KATNBL1: variants seen among roughly 807,000 people sequenced by gnomAD.
The protein encoded by KATNBL1 is katanin regulatory subunit B1 like 1, also known as KATNB1-like protein 1.
KATNBL1 carries 28 observed loss-of-function variants against 44.7 expected under a neutral mutation model. The observed-to-expected ratio is 0.63, with a 90% confidence interval of 0.46 to 0.86. The LOEUF (loss-of-function observed/expected upper bound fraction) is 0.86, where lower values mean the gene tolerates loss of function less well. Among genes scored for constraint, KATNBL1 ranks in the 40% least tolerant of loss-of-function variants. The pLI is 0.00. For missense variants in KATNBL1, 272 were observed against 350.7 expected, an observed-to-expected ratio of 0.78 and a Z score of 1.79; for synonymous variants, 78 against 114.9, an observed-to-expected ratio of 0.68 and a Z score of 2.06.
chr15:34,181,854 TCC>T (rs1354293875), intron 1 of KATNBL1, among the ~76,000 whole-genome samples: 153 of 3,672 alleles, frequency 0.042, 23 homozygotes, highest in South Asian at 0.083. Flanking sequence ...ATATATATAG[TCC>T]ATATATATAT....
At chr15:34,163,170 A>G (rs1888860351) in intron 2 of KATNBL1, among the ~76,000 whole-genome samples, 1 of 151,822 alleles carries the variant, frequency 6.6e-6, no homozygotes, top group Non-Finnish European at 1.5e-5. Flanking sequence ...CAGCCTCCCA[A>G]GTGGCTGGGA....
chr15:34,178,076 G>A (rs897558998), intron 1 of KATNBL1: 8 of 152,110 alleles, frequency 5.3e-5, no homozygotes, highest in Non-Finnish European at 1.0e-4. Flanking sequence ...TTAACCCAGA[G>A]ATGTCAAGTA....
chr15:34,153,157 T>C (rs1264581135), intron 3 of KATNBL1, 88 bp from the exon 4 acceptor site: 1 of 835,426 alleles, frequency 1.2e-6, no homozygotes, highest in African/African-American at 1.7e-5. Context: ...AGGCTATATT[T>C]GGTGATTGTA....
In KATNBL1 at chr15:34,183,548, T is replaced by A. The variant is rs544380958; in HGVS notation, c.-14-19858A>T. On this transcript the variant is annotated intron_variant, in intron 1 of 9. Transcript: ENST00000256544. The stretch of plus-strand genomic sequence containing the variant: ...TGGAAACAGCTGAATCTCACTTTTT[T>A]AAATCTATTAAAGACATTTATGTAT... 2.8e-4 allele frequency among the ~76,000 whole-genome samples: 43 copies of A among 152,306 alleles called. No individual in the cohort carries two copies. The East Asian group carries it at 3.9e-3, about 14-fold the overall frequency.
intron 2 of KATNBL1, 78 bp downstream of exon 2, chr15:34,163,482 T>C: frequency 1.3e-6 from 2 of 1,506,306 alleles, no homozygotes; most frequent in Admixed American, 5.0e-5. Context: ...TCCCATTGTT[T>C]AAACAATTCA....
chr15:34,143,793 CAAAAAAAAAAAAAAA>C (rs560420668), intron 9 of KATNBL1, among the ~76,000 whole-genome samples: 1 of 64,178 alleles, frequency 1.6e-5, no homozygotes, highest in Non-Finnish European at 2.9e-5. Flanking sequence ...ACTAAAAATA[CAAAAAAAAAAAAAAA>C]AAAAAAAAAA....
chr15:34,188,430 C>A (rs1229238410), intron 1 of KATNBL1, among the ~76,000 whole-genome samples: 1 of 151,996 alleles, frequency 6.6e-6, no homozygotes, highest in Non-Finnish European at 1.5e-5. Context: ...ATGGCACATG[C>A]CTGTAATCCC....
At chr15:34,208,257 C>G (rs1053508820) in intron 1 of KATNBL1, among the ~76,000 whole-genome samples, 8 of 152,208 alleles carry the variant, frequency 5.3e-5, no homozygotes, top group Non-Finnish European at 7.3e-5. Context: ...CTCCCACTCT[C>G]TTTCTACCAA....
intron 9 of KATNBL1, among the ~76,000 whole-genome samples, chr15:34,143,347 C>G (rs557993041): frequency 6.6e-5 from 10 of 152,054 alleles, no homozygotes; most frequent in African/African-American, 2.4e-4. Flanking sequence ...TGTGTGTAAT[C>G]CCAGCTACTC....
intron 8 of KATNBL1, 197 bp downstream of exon 8, chr15:34,146,564 A>G (rs1462720778): frequency 1.9e-6 from 1 of 514,606 alleles, no homozygotes; most frequent in Non-Finnish European, 3.5e-6. Context: ...GAGATACAGG[A>G]GGTTAGTAGG....
intron 1 of KATNBL1, among the ~76,000 whole-genome samples, chr15:34,170,817 G>A (rs1278568299): frequency 6.6e-6 from 1 of 151,846 alleles, no homozygotes; most frequent in Non-Finnish European, 1.5e-5. Context: ...TGACAAACCT[G>A]ACAACAAGCA....
chr15:34,178,284 G>A (rs1391386790), intron 1 of KATNBL1, among the ~76,000 whole-genome samples: 1 of 152,076 alleles, frequency 6.6e-6, no homozygotes, highest in African/African-American at 2.4e-5. Flanking sequence ...AACAACAGGT[G>A]GACAGGTGAA....
At chr15:34,183,888 G>A (rs1049337111) in intron 1 of KATNBL1, among the ~76,000 whole-genome samples, 4 of 152,102 alleles carry the variant, frequency 2.6e-5, no homozygotes, top group Non-Finnish European at 4.4e-5. Context: ...TCCTAAACTC[G>A]GCTGGGTGCG....
intron 2 of KATNBL1, among the ~76,000 whole-genome samples, chr15:34,162,527 C>T (rs1888838465): frequency 6.6e-6 from 1 of 152,192 alleles, no homozygotes; most frequent in South Asian, 2.1e-4. Context: ...ATCCAGCTCC[C>T]TATTTTCCAC....
intron 1 of KATNBL1, among the ~76,000 whole-genome samples, chr15:34,192,929 T>G (rs981649639): frequency 5.9e-5 from 9 of 152,184 alleles, no homozygotes; most frequent in Admixed American, 3.9e-4. Flanking sequence ...AAAAATAACT[T>G]AAGGCTTGCC....
Position 34,152,879 on chromosome 15 carries a change from C to G in KATNBL1, c.349G>C (p.Asp117His), listed in dbSNP as rs772885404. Residue 117 changes from aspartate (D) to histidine (H), a missense_variant, in exon 4 of 10, where the codon GAT becomes CAT. Transcript: ENST00000256544. ...AGHLPEKLHH[D>H]SRTYLVNSSD... ...GAGTTAACCAAATATGTTCGACTAT[C>G]ATGGTGTAATTTTTCAGGCAGGTGG... 4 of 1,613,838 alleles carry G rather than the reference C, an allele frequency of 2.5e-6. No individual in the cohort carries two copies. Among genetic ancestry groups the G allele is most frequent in the Non-Finnish European group, 3.4e-6 (4 of 1,179,850 alleles).
chr15:34,167,800 A>G (rs1233655079), intron 1 of KATNBL1, among the ~76,000 whole-genome samples: 2 of 152,230 alleles, frequency 1.3e-5, no homozygotes, highest in African/African-American at 4.8e-5. Flanking sequence ...TCTGAAAGAA[A>G]AGAATTTTCA....
Position 34,205,174 on chromosome 15 carries a change from A to G in KATNBL1, c.-15+4777T>C, listed in dbSNP as rs1312707052. The stretch of plus-strand genomic sequence containing the variant: ...ACACCCAACTAATTTTTTGTATTTT[A>G]GTAAAGACGGGGTTTCACTGTGTTG... On this transcript the variant is annotated intron_variant, in intron 1 of 9. Transcript: ENST00000256544. 4.6e-5 allele frequency among the ~76,000 whole-genome samples: 7 copies of G among 152,080 alleles called. No individual in the cohort carries two copies. The East Asian group carries it at 1.4e-3, about 30-fold the overall frequency.
intron 4 of KATNBL1, among the ~76,000 whole-genome samples, chr15:34,149,241 A>G (rs1468001312): frequency 6.6e-6 from 1 of 152,228 alleles, no homozygotes; most frequent in African/African-American, 2.4e-5. Flanking sequence ...GCCCACAAAA[A>G]CATCCAATAT....
Sources: allele counts gnomAD v4.1 joint callset (sites outside exome capture counted in the v4.1 genomes callset), GRCh38; gene constraint gnomAD v4.1.1; transcripts MANE v1.5; gene names NCBI Gene and HGNC (gene_info 2026-07-23, HGNC 2026-07-21).